Variants in TIMP3 observed in about 807,000 individuals in gnomAD.
TIMP3 encodes metalloproteinase inhibitor 3.
Under a neutral mutation model 30.0 loss-of-function variants are expected in TIMP3, and 11 were observed. The observed-to-expected ratio is 0.37, with a 90% CI of 0.23 to 0.61. The LOEUF (loss-of-function observed/expected upper bound fraction) is 0.61. Among genes scored for constraint, TIMP3 ranks in the 20% least tolerant of loss-of-function variants. The pLI is 0.70. For synonymous variants in TIMP3, 112 were observed against 111.3 expected, an observed-to-expected ratio of 1.01 and a Z score of -0.04; for missense variants, 181 against 276.8, an observed-to-expected ratio of 0.65 and a Z score of 2.45.
intron 1 of TIMP3, among the ~76,000 whole-genome samples, chr22:32,807,618 C>G (rs2046800419): frequency 6.7e-6 from 1 of 149,776 alleles, no homozygotes; most frequent in South Asian, 2.1e-4. Context: ...GAAACTGAGG[C>G]TTAGAAAAAT....
intron 1 of TIMP3, among the ~76,000 whole-genome samples, chr22:32,825,657 C>CAAA (rs130292): frequency 7.0e-5 from 2 of 28,594 alleles, no homozygotes; most frequent in Non-Finnish European, 1.2e-4. Context: ...GTTTCCATCT[C>CAAA]AAAAAAAAAA....
chr22:32,825,132 G>A (rs2047364595), intron 1 of TIMP3, among the ~76,000 whole-genome samples: 1 of 152,088 alleles, frequency 6.6e-6, no homozygotes, highest in South Asian at 2.1e-4. Flanking sequence ...TAGGGACAGG[G>A]GCAGTGGGTG....
intron 1 of TIMP3, among the ~76,000 whole-genome samples, chr22:32,835,774 G>A (rs1229884937): frequency 6.6e-6 from 1 of 152,208 alleles, no homozygotes; most frequent in Non-Finnish European, 1.5e-5. Flanking sequence ...CCCTTTGTCT[G>A]CAAGCCAAGG....
At chr22:32,830,425 G>C (rs1377498195) in intron 1 of TIMP3, among the ~76,000 whole-genome samples, 1 of 152,178 alleles carries the variant, frequency 6.6e-6, no homozygotes, top group African/African-American at 2.4e-5. Context: ...GGAGGAGCTG[G>C]AGCTGAGATT....
intron 2 of TIMP3, among the ~76,000 whole-genome samples, chr22:32,856,007 A>G (rs2048353392): frequency 6.6e-6 from 1 of 152,226 alleles, no homozygotes; most frequent in Admixed American, 6.5e-5. Flanking sequence ...AGAATAAAAA[A>G]CATGGAGAAT....
chr22:32,854,994 A>G (rs952306407), intron 2 of TIMP3, among the ~76,000 whole-genome samples: 1 of 152,214 alleles, frequency 6.6e-6, no homozygotes, highest in African/African-American at 2.4e-5. Context: ...AATGGGAGGC[A>G]TTTAGAAGAG....
rs2048157924 is a variant in TIMP3 at position 32,849,434 on chromosome 22, C to A, written c.122-18C>A. ...TCAGGCCTTCCTAACCTCTTATTGT[C>A]TCCTTCTGTCTCTGCAGTGATCCGG... On this transcript the variant is annotated intron_variant, in intron 1 of 4. Transcript: ENST00000266085. The A allele has an allele frequency of 6.2e-7, 1 of 1,611,900 alleles. No homozygotes were observed. The highest frequency in any genetic ancestry group is 1.1e-5 in the South Asian group (1 of 90,644).
intron 1 of TIMP3, among the ~76,000 whole-genome samples, chr22:32,803,866 A>G (rs1334322907): frequency 2.0e-5 from 3 of 152,172 alleles, no homozygotes; most frequent in African/African-American, 7.2e-5. Context: ...TAGTGGGAGT[A>G]GGTCCCCATT....
chr22:32,837,830 G>C lies in TIMP3; in HGVS notation c.122-11622G>C, dbSNP rs2047778238. On this transcript the variant is annotated intron_variant, in intron 1 of 4. Coordinates refer to ENST00000266085, the MANE Select transcript of TIMP3 (RefSeq NM_000362.5). This position sits in a 1 kb window ranked among gnomAD's most constrained non-coding sequence, Gnocchi z 4.1. ...CAAGACCCAACCTACCAAGCTGGGA[G>C]TTACCGCCCACTGCAAGGCACCCCT... is the stretch of plus-strand genomic sequence containing the variant. Among the ~76,000 whole-genome samples, 1 of 152,210 alleles carries C rather than the reference G, an allele frequency of 6.6e-6. No individual in the cohort carries two copies. Among genetic ancestry groups the C allele is most frequent in the Non-Finnish European group, 1.5e-5 (1 of 68,044 alleles).
At chr22:32,805,024 TGC>T (rs1057218694) in intron 1 of TIMP3, among the ~76,000 whole-genome samples, 34 of 51,444 alleles carry the variant, frequency 6.6e-4, no homozygotes, top group Non-Finnish European at 1.1e-3. Context: ...TGTGCGTGTG[TGC>T]GTGTGTGTGT....
rs1601562635 is a variant in TIMP3, at chr22:32,859,647, T to G, written c.*270T>G. 2.0e-6 allele frequency: 1 copy of G among 501,978 alleles called. No individual in the cohort carries two copies. The highest frequency in any genetic ancestry group is 3.4e-5 in the East Asian group (1 of 29,052). 31.1% of individuals were successfully genotyped at this position (501,978 alleles called of 1,614,324 possible). A position where few individuals can be genotyped will look rare whatever the true frequency, so the allele number is the denominator to read the frequency against. On this transcript the variant is annotated 3_prime_UTR_variant, in exon 5 of 5. Coordinates refer to ENST00000266085, the MANE Select transcript of TIMP3 (RefSeq NM_000362.5). ...GCCAGAAAGAATGAGGAACCTGTAT[T>G]CCTCTTCTTCGTGATAATATAATCT...
At position 32,863,015 on chromosome 22, in the gene TIMP3, C is replaced by T. The variant is rs989669893; in HGVS notation, c.*3638C>T. On this transcript the variant is annotated 3_prime_UTR_variant, in exon 5 of 5. Transcript: ENST00000266085. Reference sequence around the variant, plus strand: ...TTTATAGTGTGTCCTTTATTCTAAACAGTAAAGTGGTTTTATTTCTATCAC... The same window carrying T: ...TTTATAGTGTGTCCTTTATTCTAAATAGTAAAGTGGTTTTATTTCTATCAC... 3 of 152,622 alleles carry T rather than the reference C, an allele frequency of 2.0e-5. No homozygotes were observed. Among genetic ancestry groups the T allele is most frequent in the Non-Finnish European group, 4.4e-5 (3 of 68,034 alleles). The allele number at this position is 152,622 out of a possible 1,614,324, so 9.5% of individuals were successfully genotyped here.
intron 1 of TIMP3, among the ~76,000 whole-genome samples, chr22:32,841,229 C>T (rs1218390917): frequency 6.6e-6 from 1 of 152,142 alleles, no homozygotes; most frequent in Non-Finnish European, 1.5e-5. Context: ...AACCTGCTGC[C>T]CGGGGAGGCT....
intron 1 of TIMP3, among the ~76,000 whole-genome samples, chr22:32,821,635 A>C (rs1387710215): frequency 1.3e-5 from 2 of 152,062 alleles, no homozygotes; most frequent in African/African-American, 4.8e-5. Context: ...GGAAGAGCGG[A>C]GGCCCAGAGA....
rs140649200 is a variant in TIMP3 at position 32,810,590 on chromosome 22, C to T, written c.121+8468C>T. Among the ~76,000 whole-genome samples the T allele has an allele frequency of 4.9e-3, 745 of 152,218 alleles. 7 individuals carry two copies. Among genetic ancestry groups the T allele is most frequent in the South Asian group, 0.02 (95 of 4,816 alleles). On this transcript the variant is annotated intron_variant, in intron 1 of 4. Coordinates refer to ENST00000266085, the MANE Select transcript of TIMP3 (RefSeq NM_000362.5). ...CTGACCAAGCCTCCAAGAGCCATTC[C>T]GGAACTAGAGATCTTAAATACTACA... is the stretch of plus-strand genomic sequence containing the variant.
intron 1 of TIMP3, among the ~76,000 whole-genome samples, chr22:32,815,517 G>T (rs575356117): frequency 6.6e-6 from 1 of 152,196 alleles, no homozygotes; most frequent in African/African-American, 2.4e-5. Context: ...CACTCATTGA[G>T]GTAGGCACTC....
chr22:32,810,591 G>A (rs2046890607), intron 1 of TIMP3, among the ~76,000 whole-genome samples: 1 of 152,114 alleles, frequency 6.6e-6, no homozygotes, highest in Non-Finnish European at 1.5e-5. Flanking sequence ...GAGCCATTCC[G>A]GAACTAGAGA....
chr22:32,850,809 G>A (rs759152065), intron 2 of TIMP3, among the ~76,000 whole-genome samples: 48 of 152,146 alleles, frequency 3.2e-4, no homozygotes, highest in Admixed American at 1.6e-3. Context: ...CCACAGGCCT[G>A]GAAACTCCCC....
rs762299337 is a variant in TIMP3 at position 32,849,501 on chromosome 22, C to G, written c.171C>G (p.Phe57Leu). The change falls in exon 2 of 5, where the codon TTC (phenylalanine) becomes TTG (leucine). Residue 57 changes from phenylalanine to leucine, a missense_variant. Transcript: ENST00000266085. ...VGKKLVKEGP[F>L]GTLVYTIKQM... ...AGAAGCTGGTAAAGGAGGGGCCCTT[C>G]GGCACGCTGGTCTACACCATCAAGC... The G allele has an allele frequency of 7.4e-6, 12 of 1,613,684 alleles. No individual in the cohort carries two copies. Among genetic ancestry groups the G allele is most frequent in the Non-Finnish European group, 9.3e-6 (11 of 1,179,856 alleles).
Sources: allele counts gnomAD v4.1 joint callset (sites outside exome capture counted in the v4.1 genomes callset), GRCh38; gene constraint gnomAD v4.1.1; non-coding constraint Gnocchi (gnomAD v3.1); transcripts MANE v1.5; gene names NCBI Gene and HGNC (gene_info 2026-07-23, HGNC 2026-07-21).